The following CUX2 variants were observed in gnomAD, a reference collection of about 807,000 sequenced individuals.
CUX2 encodes cut like homeobox 2.
A neutral mutation model predicts 144.8 loss-of-function variants in CUX2; 40 were observed. That is an observed-to-expected ratio of 0.28 (90% CI 0.21 to 0.36). CUX2 has a LOEUF of 0.36. Ranked by LOEUF, CUX2 falls within the 10% of genes least tolerant of loss-of-function variation. CUX2 has a pLI of 1.00. For synonymous variants in CUX2, 827 were observed against 875.6 expected, an observed-to-expected ratio of 0.94 and a Z score of 0.98; for missense variants, 1,615 against 1,994.0, an observed-to-expected ratio of 0.81 and a Z score of 3.62.
chr12:111,218,524 T>TA (rs1194689969), intron 3 of CUX2, among the ~76,000 whole-genome samples: 1 of 151,896 alleles, frequency 6.6e-6, no homozygotes, highest in Middle Eastern at 3.2e-3. Context: ...TCTAAAACAA[T>TA]AAAAAAATAA....
chr12:111,084,058 G>C (rs1872054390), intron 1 of CUX2, among the ~76,000 whole-genome samples: 1 of 152,128 alleles, frequency 6.6e-6, no homozygotes, highest in Non-Finnish European at 1.5e-5. Flanking sequence ...AAGTGTACAT[G>C]GGGAAGTGTG....
At chr12:111,225,801 G>A (rs373768056) in intron 3 of CUX2, among the ~76,000 whole-genome samples, 5 of 152,142 alleles carry the variant, frequency 3.3e-5, no homozygotes, top group Admixed American at 6.5e-5. Context: ...AAAGCCCGCC[G>A]CATACAAAGA....
Position 111,295,751 on chromosome 12 carries a change from CTAAT to C in CUX2, c.637+368_637+371del, listed in dbSNP as rs34368745. Among the ~76,000 whole-genome samples the C allele has an allele frequency of 5.6e-3, 819 of 147,328 alleles. 11 individuals carry two copies. The highest frequency in any genetic ancestry group is 0.017 in the African/African-American group (693 of 39,800). ...TGGGCAACATGGCAAGACCCTGTCT[CTAAT>C]TAATTAATTAATTAATTAATTAATT... On this transcript the variant is annotated intron_variant, in intron 7 of 21. Transcript: ENST00000261726. This position sits in a 1 kb window ranked among gnomAD's most constrained non-coding sequence, Gnocchi z 5.0.
chr12:111,140,442 C>G (rs1474866916), intron 1 of CUX2, among the ~76,000 whole-genome samples: 2 of 152,208 alleles, frequency 1.3e-5, no homozygotes, highest in Non-Finnish European at 2.9e-5. Flanking sequence ...TGAGCACCCC[C>G]TCTTGATCTA....
intron 5 of CUX2, among the ~76,000 whole-genome samples, chr12:111,291,865 C>T (rs1454246403): frequency 1.3e-5 from 2 of 152,108 alleles, no homozygotes; most frequent in East Asian, 3.9e-4. Flanking sequence ...TCCCACCCTC[C>T]ATGGCCAGCC....
At chr12:111,335,877 G>A (rs1888327651) in intron 19 of CUX2, among the ~76,000 whole-genome samples, 1 of 151,816 alleles carries the variant, frequency 6.6e-6, no homozygotes, top group Non-Finnish European at 1.5e-5. Flanking sequence ...TTGCACTCCA[G>A]CCTGGACGAC....
chr12:111,344,371 A>G (rs1888706538), intron 21 of CUX2, among the ~76,000 whole-genome samples: 2 of 152,258 alleles, frequency 1.3e-5, no homozygotes, highest in South Asian at 4.1e-4. Context: ...GCCAAGGGAA[A>G]AGGGAATTCT....
At chr12:111,146,268 C>T (rs950538608) in intron 1 of CUX2, among the ~76,000 whole-genome samples, 3 of 152,182 alleles carry the variant, frequency 2.0e-5, no homozygotes, top group Non-Finnish European at 4.4e-5. Flanking sequence ...AAATGTATGA[C>T]GACGTGGCTC....
At chr12:111,163,538 T>C (rs2136154652) in intron 1 of CUX2, among the ~76,000 whole-genome samples, 1 of 152,170 alleles carries the variant, frequency 6.6e-6, no homozygotes, top group East Asian at 1.9e-4. Flanking sequence ...AAGCCAGCCA[T>C]GGTAAGAGAG....
intron 1 of CUX2, among the ~76,000 whole-genome samples, chr12:111,071,885 T>G (rs568133753): frequency 4.6e-5 from 7 of 152,234 alleles, no homozygotes; most frequent in Non-Finnish European, 1.0e-4. Flanking sequence ...TCTTCTCCAT[T>G]TTATTGCCTT....
intron 1 of CUX2, among the ~76,000 whole-genome samples, chr12:111,173,384 T>G (rs1878659618): frequency 6.6e-6 from 1 of 152,240 alleles, no homozygotes; most frequent in Non-Finnish European, 1.5e-5. Flanking sequence ...TTATGAACAC[T>G]GTCATTCTTC....
At chr12:111,045,284 C>G (rs1869944182) in intron 1 of CUX2, among the ~76,000 whole-genome samples, 1 of 152,108 alleles carries the variant, frequency 6.6e-6, no homozygotes, top group Non-Finnish European at 1.5e-5. Context: ...TGGCTGGGCC[C>G]CAGTTTTTCT....
rs143830197 is a variant in CUX2, at chr12:111,186,920, A to G, written c.64-27280A>G. On this transcript the variant is annotated intron_variant, in intron 1 of 21. Transcript: ENST00000261726. This position sits in a 1 kb window ranked among gnomAD's most constrained non-coding sequence, Gnocchi z 4.4. ...CAGCCTCCTGAGTAGCTGGGATTACAGGCACGTGCCACCATGCCTGGCTAA... is the reference window on the plus strand; with the variant it reads ...CAGCCTCCTGAGTAGCTGGGATTACGGGCACGTGCCACCATGCCTGGCTAA... Among the ~76,000 whole-genome samples, 115 of 152,100 alleles carry G rather than the reference A, an allele frequency of 7.6e-4. No homozygotes were observed. Among genetic ancestry groups the G allele is most frequent in the African/African-American group, 2.7e-3 (111 of 41,476 alleles).
intron 1 of CUX2, among the ~76,000 whole-genome samples, chr12:111,153,890 G>C (rs776180238): frequency 6.6e-6 from 1 of 152,146 alleles, no homozygotes; most frequent in African/African-American, 2.4e-5. Context: ...TCAAGATGTT[G>C]GTCGGCAGCG....
intron 1 of CUX2, among the ~76,000 whole-genome samples, chr12:111,083,541 G>T (rs1405337812): frequency 6.6e-6 from 1 of 152,098 alleles, no homozygotes; most frequent in Non-Finnish European, 1.5e-5. Context: ...TGTGGTAATG[G>T]GGTGGGTGTT....
rs1879798087 is a variant in CUX2, at chr12:111,190,298, A to G, written c.64-23902A>G. On this transcript the variant is annotated intron_variant, in intron 1 of 21. Transcript: ENST00000261726. This position sits in a 1 kb window ranked among gnomAD's most constrained non-coding sequence, Gnocchi z 4.0. ...TTGCACTTGTTCTTTTTAATGCAAC[A>G]ATTACTGCTCAGGACTCGGGAGTAG... Among the ~76,000 whole-genome samples the G allele has an allele frequency of 6.6e-6, 1 of 152,140 alleles. No homozygotes were observed. The highest frequency in any genetic ancestry group is 2.1e-4 in the South Asian group (1 of 4,824).
intron 3 of CUX2, among the ~76,000 whole-genome samples, chr12:111,234,185 A>G (rs1334489582): frequency 2.0e-5 from 3 of 152,230 alleles, no homozygotes; most frequent in African/African-American, 4.8e-5. Flanking sequence ...CCTCACAGAT[A>G]GAGCACCTCA....
At chr12:111,328,586 GT>G (rs1887928999) in intron 18 of CUX2, among the ~76,000 whole-genome samples, 1 of 148,936 alleles carries the variant, frequency 6.7e-6, no homozygotes, top group African/African-American at 2.5e-5. Flanking sequence ...TCTTTTGTGT[GT>G]GTGTGTGTGT....
At chr12:111,211,756 G>A (rs1881240916) in intron 1 of CUX2, among the ~76,000 whole-genome samples, 1 of 152,000 alleles carries the variant, frequency 6.6e-6, no homozygotes, top group Admixed American at 6.6e-5. Context: ...TTGGTGGTGG[G>A]TGCTTGTAGT....
Sources: allele counts gnomAD v4.1 joint callset (sites outside exome capture counted in the v4.1 genomes callset), GRCh38; gene constraint gnomAD v4.1.1; non-coding constraint Gnocchi (gnomAD v3.1); transcripts MANE v1.5; gene names NCBI Gene and HGNC (gene_info 2026-07-23, HGNC 2026-07-21).